PLA2G4D: variants seen among roughly 807,000 people sequenced by gnomAD.
The protein encoded by PLA2G4D is cytosolic phospholipase A2 delta.
A neutral mutation model predicts 94.4 loss-of-function variants in PLA2G4D; 80 were observed. The observed-to-expected ratio is 0.85, with a 90% CI of 0.71 to 1.02. The LOEUF (loss-of-function observed/expected upper bound fraction) is 1.02. Among genes scored for constraint, PLA2G4D ranks in the 50% least tolerant of loss-of-function variants. PLA2G4D has a pLI of 0.00. For missense variants in PLA2G4D, 1,050 were observed against 1,034.7 expected (o/e 1.01, Z -0.20); for synonymous variants, 438 against 440.9 (o/e 0.99, Z 0.08).
At position 42,068,761 on chromosome 15, in the gene PLA2G4D, A is replaced by G; in HGVS notation, c.2411T>C (p.Leu804Pro). The change falls in exon 20 of 20, where the codon CTG (leucine) becomes CCG (proline). Residue 804 changes from leucine (L) to proline (P), a missense_variant. Physicochemically the swap from Leu to Pro is moderately conservative, Grantham distance 98. Transcript: ENST00000290472. ...CCTCGCCTCTAGAGTCCGGTGCTTC[A>G]GCGCGGTCCTCAGGGCCTGCAGGAT... is the stretch of plus-strand genomic sequence containing the variant. The part of the protein sequence containing the change: ...GAILQALRTA[L>P]KHRTLEARPP... 3 of 1,612,528 alleles carry G rather than the reference A, an allele frequency of 1.9e-6. No homozygotes were observed. The highest frequency in any genetic ancestry group is 2.5e-6 in the Non-Finnish European group (3 of 1,179,336).
At position 42,068,483 on chromosome 15, in the gene PLA2G4D, A is replaced by G; in HGVS notation, c.*232T>C. The stretch of plus-strand genomic sequence containing the variant: ...GTGTGAAAGTCTGTCTGGTTGGACC[A>G]GCTGTTCTACACACTGGCCTGGCGA... On this transcript the variant is annotated 3_prime_UTR_variant, in exon 20 of 20. Coordinates refer to ENST00000290472, the MANE Select transcript of PLA2G4D (RefSeq NM_178034.4). The G allele has an allele frequency of 1.8e-6, 1 of 556,854 alleles. No homozygotes were observed. The highest frequency in any genetic ancestry group is 3.2e-6 in the Non-Finnish European group (1 of 311,270). The allele number at this position is 556,854 out of a possible 1,614,324, so 34.5% of individuals were successfully genotyped here.
chr15:42,085,287 G>T, intron 5 of PLA2G4D, 149 bp from the exon 6 acceptor site: 2 of 1,057,576 alleles, frequency 1.9e-6, no homozygotes, highest in Non-Finnish European at 2.9e-6. Context: ...GGAGGAGAGG[G>T]GAGGGGAGAG....
intron 13 of PLA2G4D, 42 bp from the exon 14 acceptor site, chr15:42,072,434 A>G: frequency 6.5e-7 from 1 of 1,535,950 alleles, no homozygotes; most frequent in Non-Finnish European, 9.0e-7. Flanking sequence ...GGCTGGGAGT[A>G]CCCTGGAGGC....
rs565077748 is a variant in PLA2G4D at position 42,086,227 on chromosome 15, A to G, written c.373T>C (p.Ser125Pro). 1.0e-6 allele frequency: 1 copy of G among 958,478 alleles called. No homozygotes were observed. Among genetic ancestry groups the G allele is most frequent in the African/African-American group, 2.2e-5 (1 of 44,722 alleles). The allele number at this position is 958,478 out of a possible 1,614,324, so 59.4% of individuals were successfully genotyped here. ...CACCCACCCACCTGGGGACTCTGGG[A>G]GAAGGTTTTCCGGAGCAGCTTGCCA... ...LPGKLLRKTF[S>P]QSPQGEEELD... Residue 125 changes from serine to proline, a missense_variant, in exon 4 of 20, where the codon TCC becomes CCC. Ser to Pro is a moderately conservative substitution (Grantham distance 74, BLOSUM62 -1). Transcript: ENST00000290472.
In PLA2G4D at chr15:42,086,194, T is replaced by TTGGGGGGGGGGGCCC; in HGVS notation, c.387+18_387+19insGGGCCCCCCCCCCCA. The TTGGGGGGGGGGGCCC allele has an allele frequency of 6.6e-6, 9 of 1,370,440 alleles. No individual in the cohort carries two copies. Among genetic ancestry groups the TTGGGGGGGGGGGCCC allele is most frequent in the Non-Finnish European group, 7.7e-6 (8 of 1,043,080 alleles). 84.9% of individuals were successfully genotyped at this position (1,370,440 alleles called of 1,614,324 possible). A position where few individuals can be genotyped will look rare whatever the true frequency, so the allele number is the denominator to read the frequency against. ...GGAAGAAGTGGGGCCCACGGGGACT[T>TTGGGGGGGGGGGCCC]CCCCACCCACCCACCCACCTGGGGA... is the stretch of plus-strand genomic sequence containing the variant. On this transcript the variant is annotated intron_variant, in intron 4 of 19. Coordinates refer to ENST00000290472, the MANE Select transcript of PLA2G4D (RefSeq NM_178034.4).
chr15:42,069,780 CT>C, intron 19 of PLA2G4D, 128 bp downstream of exon 19: 1 of 845,666 alleles, frequency 1.2e-6, no homozygotes, highest in Non-Finnish European at 1.7e-6. Context: ...CTGAGTGGGC[CT>C]GGATGGGCCT....
At position 42,068,953 on chromosome 15, in the gene PLA2G4D, T is replaced by TA; in HGVS notation, c.2231-13dup. On this transcript the variant is annotated splice_polypyrimidine_tract_variant and intron_variant, in intron 19 of 19. Coordinates refer to ENST00000290472, the MANE Select transcript of PLA2G4D (RefSeq NM_178034.4). ...GCTGCGCTGGACACCTGCCCAGGGGTAGGAGGGGTGTCAGGAGCAGGACGC... is the reference window on the plus strand; with the variant it reads ...GCTGCGCTGGACACCTGCCCAGGGGTAAGGAGGGGTGTCAGGAGCAGGACGC... 6.2e-7 allele frequency: 1 copy of TA among 1,602,732 alleles called. No individual in the cohort carries two copies. Among genetic ancestry groups the TA allele is most frequent in the Non-Finnish European group, 8.5e-7 (1 of 1,175,936 alleles).
rs1191007658 is a variant in PLA2G4D, at chr15:42,087,335, C to T, written c.220G>A (p.Glu74Lys). 5.0e-6 allele frequency: 8 copies of T among 1,614,192 alleles called. No homozygotes were observed. Among genetic ancestry groups the T allele is most frequent in the East Asian group, 2.2e-5 (1 of 44,880 alleles). ...LTDTSHPVWN[E>K]AFRFLIQSQV... Reference sequence around the variant, plus strand: ...CTTTGGATAAGGAAACGGAAGGCCTCATTCCACACAGGATGACTGGTGTCG... The same window carrying T: ...CTTTGGATAAGGAAACGGAAGGCCTTATTCCACACAGGATGACTGGTGTCG... Residue 74 changes from glutamate to lysine, a missense_variant, in exon 3 of 20, where the codon GAG becomes AAG. By Grantham distance (56) the Glu-to-Lys change is moderately conservative. Coordinates refer to ENST00000290472, the MANE Select transcript of PLA2G4D (RefSeq NM_178034.4).
At position 42,087,654 on chromosome 15, in the gene PLA2G4D, G is replaced by A. The variant is rs1214195748; in HGVS notation, c.92C>T (p.Ala31Val). The change falls in exon 2 of 20, where the codon GCG becomes GTG. Residue 31 changes from alanine (A) to valine (V), a missense_variant. Transcript: ENST00000290472. ...CAGGTCAGCCCAGCGCAGGTTCCGCGCCTCCAGGACCCTCACTGTGAGCTG... is the reference window on the plus strand; with the variant it reads ...CAGGTCAGCCCAGCGCAGGTTCCGCACCTCCAGGACCCTCACTGTGAGCTG... The part of the protein sequence containing the change: ...CWQLTVRVLE[A>V]RNLRWADLLS... 5 of 1,614,026 alleles carry A rather than the reference G, an allele frequency of 3.1e-6. No individual in the cohort carries two copies. Among genetic ancestry groups the A allele is most frequent in the African/African-American group, 1.3e-5 (1 of 74,928 alleles).
intron 1 of PLA2G4D, among the ~76,000 whole-genome samples, chr15:42,092,605 G>A (rs559431699): frequency 3.9e-5 from 6 of 152,176 alleles, no homozygotes; most frequent in East Asian, 3.9e-4. Context: ...TGACTAACCC[G>A]GAGGCTTCTG....
In PLA2G4D at chr15:42,084,948, G is replaced by T; in HGVS notation, c.471+148C>A. On this transcript the variant is annotated intron_variant, in intron 6 of 19. Coordinates refer to ENST00000290472, the MANE Select transcript of PLA2G4D (RefSeq NM_178034.4). The surrounding 1 kb of genome is among the most constrained non-coding windows in gnomAD (Gnocchi z 4.8). ...GCCCCTCCAAGACCCACAGCCACAGGTGACCACCTGGCTGGAAGGCTAGGG... is the reference window on the plus strand; with the variant it reads ...GCCCCTCCAAGACCCACAGCCACAGTTGACCACCTGGCTGGAAGGCTAGGG... 1 of 854,458 alleles carries T rather than the reference G, an allele frequency of 1.2e-6. No homozygotes were observed. The highest frequency in any genetic ancestry group is 1.6e-5 in the South Asian group (1 of 61,422). The allele number at this position is 854,458 out of a possible 1,614,324, so 52.9% of individuals were successfully genotyped here. A position where few individuals can be genotyped will look rare whatever the true frequency, so the allele number is the denominator to read the frequency against.
intron 13 of PLA2G4D, among the ~76,000 whole-genome samples, chr15:42,073,827 A>G (rs964447679): frequency 2.6e-5 from 4 of 152,158 alleles, no homozygotes; most frequent in Non-Finnish European, 2.9e-5. Flanking sequence ...TCCCACATCC[A>G]TGGCGAAACT....
chr15:42,092,030 G>A (rs545493562), intron 1 of PLA2G4D, among the ~76,000 whole-genome samples: 80 of 152,248 alleles, frequency 5.3e-4, no homozygotes, highest in Admixed American at 1.7e-3. Flanking sequence ...GCGCATTGGT[G>A]GCAGTGGTCC....
At chr15:42,086,131 A>T in intron 4 of PLA2G4D, 82 bp downstream of exon 4, 1 of 1,414,856 alleles carries the variant, frequency 7.1e-7, no homozygotes, top group Non-Finnish European at 9.6e-7. Context: ...CAGCCTCCCA[A>T]CAGGTGGGAG....
rs1313404531 is a variant in PLA2G4D, at chr15:42,068,868, C to A, written c.2304G>T (p.Leu768=). The change falls in exon 20 of 20, where the codon CTG becomes CTT. Residue 768 remains leucine (L), a synonymous_variant. Transcript: ENST00000290472. ...CTTCCTCCTTGTAGGTCATGTTGGA[C>A]AGGGTGTAGGGGCAGGTGGCCCCGG... ...DLTGATCPYT[L]SNMTYKEEDF... 2.5e-6 allele frequency: 4 copies of A among 1,613,738 alleles called. No individual in the cohort carries two copies. Among genetic ancestry groups the A allele is most frequent in the Non-Finnish European group, 3.4e-6 (4 of 1,180,038 alleles).
intron 1 of PLA2G4D, among the ~76,000 whole-genome samples, chr15:42,093,021 C>G (rs926568397): frequency 6.6e-6 from 1 of 152,186 alleles, no homozygotes; most frequent in Non-Finnish European, 1.5e-5. Flanking sequence ...GCACCTCCCT[C>G]AGGCTGGGCT....
Position 42,084,122 on chromosome 15 carries a change from C to G in PLA2G4D, c.472-343G>C, listed in dbSNP as rs1890095567. 1 of 287,250 alleles carries G rather than the reference C, an allele frequency of 3.5e-6. No individual in the cohort carries two copies. Among genetic ancestry groups the G allele is most frequent in the African/African-American group, 2.2e-5 (1 of 46,394 alleles). The allele number at this position is 287,250 out of a possible 1,614,324, so 17.8% of individuals were successfully genotyped here. On this transcript the variant is annotated intron_variant, in intron 6 of 19. Coordinates refer to ENST00000290472, the MANE Select transcript of PLA2G4D (RefSeq NM_178034.4). This position sits in a 1 kb window ranked among gnomAD's most constrained non-coding sequence, Gnocchi z 4.8. ...TGGAGCTGGAGGAGGTATTCTACCA[C>G]AACTCCAAATAATCTAAGCAAGCCG...
intron 8 of PLA2G4D, 95 bp from the exon 9 acceptor site, chr15:42,082,484 A>T (rs1890057526): frequency 4.2e-6 from 3 of 715,594 alleles, no homozygotes; most frequent in Middle Eastern, 2.5e-4. Context: ...ATTCTCCCTG[A>T]TAATACAGAA....
chr15:42,070,168 C>G, intron 18 of PLA2G4D, 73 bp from the exon 19 acceptor site: 5 of 1,318,004 alleles, frequency 3.8e-6, no homozygotes, highest in Non-Finnish European at 5.0e-6. Context: ...CAGCCCACAC[C>G]AGCTGCTTCA....
Sources: gnomAD v4.1 joint callset for allele counts (sites outside exome capture counted in the v4.1 genomes callset) on GRCh38, gnomAD v4.1.1 for gene constraint, Gnocchi (gnomAD v3.1) non-coding constraint, MANE v1.5 for transcripts, NCBI Gene and HGNC (gene_info 2026-07-23, HGNC 2026-07-21) for gene names.